The following PPFIA2 variants were observed in gnomAD, a reference collection of about 807,000 sequenced individuals.
The protein encoded by PPFIA2 is liprin-alpha-2.
Under a neutral mutation model 175.5 loss-of-function variants are expected in PPFIA2, and 46 were observed. That is an observed-to-expected ratio of 0.26 (90% CI 0.21 to 0.34). The LOEUF (loss-of-function observed/expected upper bound fraction) is 0.34, where lower values mean the gene tolerates loss of function less well. Among genes scored for constraint, PPFIA2 ranks in the 10% least tolerant of loss-of-function variants. The pLI is 1.00. For synonymous variants in PPFIA2, 568 were observed against 511.4 expected, an observed-to-expected ratio of 1.11 and a Z score of -1.49; for missense variants, 1,179 against 1,506.1, an observed-to-expected ratio of 0.78 and a Z score of 3.60.
chr12:81,614,261 A>G (rs2061222963), intron 4 of PPFIA2, among the ~76,000 whole-genome samples: 1 of 152,134 alleles, frequency 6.6e-6, no homozygotes, highest in African/African-American at 2.4e-5. Context: ...GGTCTAAAAA[A>G]CAGAAAGCAG....
At chr12:81,264,583 TG>T (rs1277006332) in intron 30 of PPFIA2, among the ~76,000 whole-genome samples, 1 of 152,234 alleles carries the variant, frequency 6.6e-6, no homozygotes, top group Non-Finnish European at 1.5e-5. Flanking sequence ...CATAGTAATT[TG>T]TGCTATGTTA....
At chr12:81,708,745 T>C (rs2077519945) in intron 3 of PPFIA2, among the ~76,000 whole-genome samples, 1 of 152,276 alleles carries the variant, frequency 6.6e-6, no homozygotes, top group African/African-American at 2.4e-5. Flanking sequence ...TAATAACAAA[T>C]CAGGCCACAA....
chr12:81,434,906 A>G (rs1012856317), intron 7 of PPFIA2, among the ~76,000 whole-genome samples: 4 of 152,182 alleles, frequency 2.6e-5, no homozygotes, highest in African/African-American at 4.8e-5. Flanking sequence ...TGGAGAAAAC[A>G]AATAATAACA....
chr12:81,757,057 C>T (rs955171555), intron 2 of PPFIA2, among the ~76,000 whole-genome samples: 13 of 152,086 alleles, frequency 8.5e-5, no homozygotes, highest in Admixed American at 2.6e-4. Flanking sequence ...CATTAGAATT[C>T]AGATTCTAAC....
chr12:81,636,364 C>G (rs1166303296), intron 4 of PPFIA2, among the ~76,000 whole-genome samples: 3 of 146,414 alleles, frequency 2.0e-5, no homozygotes, highest in Non-Finnish European at 4.5e-5. Context: ...CTCCCGGGTT[C>G]ACGCCATTCT....
chr12:81,560,643 T>A (rs758406310), intron 4 of PPFIA2, among the ~76,000 whole-genome samples: 21 of 152,170 alleles, frequency 1.4e-4, no homozygotes, highest in Non-Finnish European at 2.8e-4. Flanking sequence ...TTAACTGAGC[T>A]TAAATGTGTT....
chr12:81,371,113 G>A (rs1486806202), intron 11 of PPFIA2, among the ~76,000 whole-genome samples: 1 of 151,628 alleles, frequency 6.6e-6, no homozygotes, highest in Non-Finnish European at 1.5e-5. Context: ...ATTTTGTAAG[G>A]CTTTCCTTCT....
chr12:81,366,852 A>T (rs1356383831), intron 14 of PPFIA2, among the ~76,000 whole-genome samples: 1 of 151,782 alleles, frequency 6.6e-6, no homozygotes, highest in Non-Finnish European at 1.5e-5. Flanking sequence ...TTATCCTTTA[A>T]TGGAAGAGTA....
intron 6 of PPFIA2, among the ~76,000 whole-genome samples, chr12:81,442,408 A>G (rs1593047343): frequency 6.6e-6 from 1 of 152,032 alleles, no homozygotes; most frequent in South Asian, 2.1e-4. Flanking sequence ...TCCTCAGACC[A>G]GAAGCTCTAA....
rs144224888 is a variant in PPFIA2, at chr12:81,398,242, T to A, written c.762+7545A>T. ...ATGGCAAAGGAAAGAGCAGTAAAAT[T>A]TGCTGGGGAAATATACTTGATTAAA... On this transcript the variant is annotated intron_variant, in intron 8 of 32. Transcript: ENST00000549396. 2.6e-3 allele frequency among the ~76,000 whole-genome samples: 396 copies of A among 151,962 alleles called. 1 individual carries two copies. Among genetic ancestry groups the A allele is most frequent in the African/African-American group, 9.2e-3 (382 of 41,484 alleles).
intron 4 of PPFIA2, among the ~76,000 whole-genome samples, chr12:81,654,561 T>A (rs1021390674): frequency 6.6e-6 from 1 of 152,116 alleles, no homozygotes; most frequent in Admixed American, 6.6e-5. Flanking sequence ...ATTTATGGAA[T>A]AAACCCAACT....
At chr12:81,683,324 A>G (rs1459255078) in intron 3 of PPFIA2, among the ~76,000 whole-genome samples, 1 of 138,792 alleles carries the variant, frequency 7.2e-6, no homozygotes, top group Non-Finnish European at 1.5e-5. Context: ...TATCAATAAT[A>G]TCTATCACAT....
At chr12:81,629,571 C>T (rs999999591) in intron 4 of PPFIA2, among the ~76,000 whole-genome samples, 28 of 152,218 alleles carry the variant, frequency 1.8e-4, no homozygotes, top group African/African-American at 6.0e-4. Flanking sequence ...CACAGAGCTA[C>T]CCAAAACCTG....
intron 4 of PPFIA2, among the ~76,000 whole-genome samples, chr12:81,609,997 G>T (rs1372653006): frequency 6.6e-6 from 1 of 152,128 alleles, no homozygotes; most frequent in South Asian, 2.1e-4. Context: ...ATATTTGCTT[G>T]TCTGAGAAGG....
chr12:81,731,101 C>T (rs1922549), intron 3 of PPFIA2, among the ~76,000 whole-genome samples: 24,376 of 151,658 alleles, frequency 0.16, 2,027 homozygotes, highest in Middle Eastern at 0.24. Context: ...ACGCACTACC[C>T]TACTACAAGG....
intron 4 of PPFIA2, among the ~76,000 whole-genome samples, chr12:81,557,194 TACAC>T (rs10581154): frequency 1.8e-4 from 27 of 149,128 alleles, no homozygotes; most frequent in African/African-American, 2.9e-4. Context: ...ATCTTATATC[TACAC>T]ACACACACAC....
chr12:81,634,177 CT>C (rs1256741571), intron 4 of PPFIA2, among the ~76,000 whole-genome samples: 2 of 151,948 alleles, frequency 1.3e-5, no homozygotes, highest in African/African-American at 4.8e-5. Context: ...ATGGGCTGCT[CT>C]GTATAATTGG....
chr12:81,516,186 G>A (rs1302894791), intron 4 of PPFIA2, among the ~76,000 whole-genome samples: 3 of 151,988 alleles, frequency 2.0e-5, no homozygotes, highest in African/African-American at 7.2e-5. Flanking sequence ...CTTTATGCTT[G>A]TTTAAAGTTG....
chr12:81,696,226 G>T (rs1397539382), intron 3 of PPFIA2, among the ~76,000 whole-genome samples: 1 of 152,148 alleles, frequency 6.6e-6, no homozygotes. Context: ...GCAAATAAGG[G>T]TTAAGTGGCA....
Sources: gnomAD v4.1 joint callset for allele counts (sites outside exome capture counted in the v4.1 genomes callset) on GRCh38, gnomAD v4.1.1 for gene constraint, MANE v1.5 for transcripts, NCBI Gene and HGNC (gene_info 2026-07-23, HGNC 2026-07-21) for gene names.